The following SLC6A18 variants were observed in gnomAD, a reference collection of about 807,000 sequenced individuals.
The protein encoded by SLC6A18 is solute carrier family 6 member 18.
In SLC6A18, 58 loss-of-function variants were observed where a neutral mutation model predicts 62.9. That is an observed-to-expected ratio of 0.92 (90% CI 0.75 to 1.15). SLC6A18 has a LOEUF of 1.15. SLC6A18 is among the 50% of genes most tolerant of loss of function. The pLI is 0.00. For missense variants in SLC6A18, 793 were observed against 836.6 expected (o/e 0.95, Z 0.64); for synonymous variants, 382 against 365.8 (o/e 1.04, Z -0.51).
chr5:1,235,253 CT>C (rs1658174753), intron 3 of SLC6A18, among the ~76,000 whole-genome samples: 1 of 152,220 alleles, frequency 6.6e-6, no homozygotes, highest in South Asian at 2.1e-4. Flanking sequence ...CTCAGCAGGG[CT>C]CGTAAACCTT....
At chr5:1,231,113 C>T (rs960548248) in intron 1 of SLC6A18, among the ~76,000 whole-genome samples, 1 of 152,348 alleles carries the variant, frequency 6.6e-6, no homozygotes, top group Admixed American at 6.5e-5. Flanking sequence ...TCATGCCCAG[C>T]TCTGCCGCTG....
Position 1,240,642 on chromosome 5 carries a change from C to G in SLC6A18, c.957C>G (p.Tyr319Ter), listed in dbSNP as rs7447815. Residue 319 changes from tyrosine (Y) to a stop codon, truncating the protein, a stop_gained, in exon 7 of 12, where the codon TAC (tyrosine) becomes TAG (stop). Coordinates refer to ENST00000324642, the MANE Select transcript of SLC6A18 (RefSeq NM_182632.3). LOFTEE classifies it high-confidence loss of function. The part of the protein sequence containing the change: ...SVLGFKATND[Y>*]EHCLDRNILS... ...TGGGGTTCAAAGCAACTAATGACTA[C>G]GAGCACTGCCTGGACAGGTGAGCAC... 624,291 of 1,613,604 alleles carry G rather than the reference C, an allele frequency of 0.39. 122,126 individuals are homozygous for G. The highest frequency in any genetic ancestry group is 0.4 in the Non-Finnish European group (470,977 of 1,179,866).
At chr5:1,240,769 C>A (rs1747035713) in intron 7 of SLC6A18, 110 bp downstream of exon 7, 2 of 1,464,892 alleles carry the variant, frequency 1.4e-6, no homozygotes, top group Admixed American at 1.9e-5. Context: ...CATTTCATTT[C>A]TGTAGGGGTG....
chr5:1,235,707 C>A lies in SLC6A18; in HGVS notation c.621+45C>A, dbSNP rs991478540. 2.5e-6 allele frequency: 4 copies of A among 1,591,328 alleles called. No homozygotes were observed. In the African/African-American group the frequency reaches 4.0e-5, roughly 16 times the overall value. ...GATCCCCTCTCTTGCTTCCTCCAGC[C>A]CCCAAGACCCCTCCCCATTGACCTG... On this transcript the variant is annotated intron_variant, in intron 4 of 11. Transcript: ENST00000324642.
chr5:1,233,222 C>T (rs1561176292), intron 3 of SLC6A18, among the ~76,000 whole-genome samples: 1 of 152,174 alleles, frequency 6.6e-6, no homozygotes, highest in Non-Finnish European at 1.5e-5. Flanking sequence ...TCACGCTTGT[C>T]AACCCAGCAC....
rs1057228160 is a variant in SLC6A18 at position 1,225,696 on chromosome 5, T to G, written c.160+59T>G. 2.0e-6 allele frequency: 3 copies of G among 1,489,990 alleles called. No homozygotes were observed. The African/African-American group carries it at 4.3e-5, about 22-fold the overall frequency. 92.3% of individuals were successfully genotyped at this position (1,489,990 alleles called of 1,614,324 possible). A position where few individuals can be genotyped will look rare whatever the true frequency, so the allele number is the denominator to read the frequency against. ...TAAGCAGGGGAGGCCGTCTCCACCC[T>G]GACCTGCCAGGCGCCTGCCACGCAT... On this transcript the variant is annotated intron_variant, in intron 1 of 11. Coordinates refer to ENST00000324642, the MANE Select transcript of SLC6A18 (RefSeq NM_182632.3).
At chr5:1,237,302 G>T (rs896674805) in intron 4 of SLC6A18, among the ~76,000 whole-genome samples, 11 of 151,504 alleles carry the variant, frequency 7.3e-5, no homozygotes, top group African/African-American at 2.7e-4. Flanking sequence ...TGTATTGGGG[G>T]AACTGAGGAG....
rs1747208605 is a variant in SLC6A18 at position 1,245,969 on chromosome 5, G to A, written c.1778G>A (p.Arg593Gln). ...GCCGCGCTTGCTCAGCTGCTCACCC[G>A]GCGGAGGCGGACGTGGAGGGACAGG... Reference protein sequence around the residue: ...PVAALAQLLTRRRRTWRDRDA... With the variant: ...PVAALAQLLTQRRRTWRDRDA... The change falls in exon 12 of 12, where the codon CGG becomes CAG. Residue 593 changes from arginine to glutamine, a missense_variant. Coordinates refer to ENST00000324642, the MANE Select transcript of SLC6A18 (RefSeq NM_182632.3). 1 of 1,600,888 alleles carries A rather than the reference G, an allele frequency of 6.2e-7. No individual in the cohort carries two copies. Among genetic ancestry groups the A allele is most frequent in the Non-Finnish European group, 8.5e-7 (1 of 1,178,856 alleles).
intron 4 of SLC6A18, among the ~76,000 whole-genome samples, chr5:1,237,043 C>T (rs879319748): frequency 1.5e-4 from 23 of 150,902 alleles, no homozygotes; most frequent in Non-Finnish European, 2.7e-4. Context: ...AGACCAGCCT[C>T]GCCAACATAG....
intron 1 of SLC6A18, among the ~76,000 whole-genome samples, chr5:1,229,607 G>A (rs989724797): frequency 2.6e-5 from 4 of 152,246 alleles, no homozygotes; most frequent in Admixed American, 1.3e-4. Context: ...TGCCCACCGC[G>A]ACGTGGTGCC....
At chr5:1,236,097 T>A (rs7445640) in intron 4 of SLC6A18, among the ~76,000 whole-genome samples, 3 of 151,974 alleles carry the variant, frequency 2.0e-5, no homozygotes, top group Non-Finnish European at 4.4e-5. Context: ...TGGGTTTAGC[T>A]CTGTCCTCAG....
Position 1,232,088 on chromosome 5 carries a change from C to G in SLC6A18, c.161-131C>G, listed in dbSNP as rs185970768. On this transcript the variant is annotated intron_variant, in intron 1 of 11. Transcript: ENST00000324642. Reference sequence around the variant, plus strand: ...AACAGTGCCCCAAGGGTGTCTCCACCACCCAAGTGGTGCCCCCAACATTCA... The same window carrying G: ...AACAGTGCCCCAAGGGTGTCTCCACGACCCAAGTGGTGCCCCCAACATTCA... The G allele has an allele frequency of 9.4e-4, 748 of 795,086 alleles. 6 individuals carry two copies. The African/African-American group carries it at 0.011, about 12-fold the overall frequency. 49.3% of individuals were successfully genotyped at this position (795,086 alleles called of 1,614,324 possible).
chr5:1,229,373 C>T (rs564629747), intron 1 of SLC6A18, among the ~76,000 whole-genome samples: 2 of 152,284 alleles, frequency 1.3e-5, no homozygotes, highest in African/African-American at 4.8e-5. Flanking sequence ...TTCAGCTTCC[C>T]CAAATCAGTC....
rs901151017 is a variant in SLC6A18 at position 1,241,542 on chromosome 5, T to C, written c.974+883T>C. Reference sequence around the variant, plus strand: ...TGGGAGCAGGGCAGCACGTCAGCACTGCACCTGATGGCACTTTTCAACGGG... The same window carrying C: ...TGGGAGCAGGGCAGCACGTCAGCACCGCACCTGATGGCACTTTTCAACGGG... On this transcript the variant is annotated intron_variant, in intron 7 of 11. Coordinates refer to ENST00000324642, the MANE Select transcript of SLC6A18 (RefSeq NM_182632.3). This position sits in a 1 kb window ranked among gnomAD's most constrained non-coding sequence, Gnocchi z 7.8. Among the ~76,000 whole-genome samples, 2 of 152,116 alleles carry C rather than the reference T, an allele frequency of 1.3e-5. No homozygotes were observed. The highest frequency in any genetic ancestry group is 6.5e-5 in the Admixed American group (1 of 15,280).
chr5:1,230,731 C>T lies in SLC6A18; in HGVS notation c.161-1488C>T, dbSNP rs1310573024. ...TGATGGGAGATGCCAGGCGCGGAGACGCACGGCGGGGAAGAGTGTGGGCAG... is the reference window on the plus strand; with the variant it reads ...TGATGGGAGATGCCAGGCGCGGAGATGCACGGCGGGGAAGAGTGTGGGCAG... On this transcript the variant is annotated intron_variant, in intron 1 of 11. Coordinates refer to ENST00000324642, the MANE Select transcript of SLC6A18 (RefSeq NM_182632.3). 5.3e-5 allele frequency among the ~76,000 whole-genome samples: 8 copies of T among 152,264 alleles called. No individual in the cohort carries two copies. The East Asian group carries it at 5.8e-4, about 11-fold the overall frequency.
In SLC6A18 at chr5:1,246,135, T is replaced by TGGGCGGGGGC. The variant is rs1747218597; in HGVS notation, c.*65_*66insGCGGGCGGGG. ...TCTGTGGGGGGGCTTGGCCTGATGG[T>TGGGCGGGGGC]GGGCGGGGCCCCGCCCACAGGGCCG... On this transcript the variant is annotated 3_prime_UTR_variant, in exon 12 of 12. Coordinates refer to ENST00000324642, the MANE Select transcript of SLC6A18 (RefSeq NM_182632.3). 3 of 1,324,560 alleles carry TGGGCGGGGGC rather than the reference T, an allele frequency of 2.3e-6. No individual in the cohort carries two copies. Among genetic ancestry groups the TGGGCGGGGGC allele is most frequent in the Admixed American group, 2.5e-5 (1 of 40,454 alleles). 82.1% of individuals were successfully genotyped at this position (1,324,560 alleles called of 1,614,324 possible). A position where few individuals can be genotyped will look rare whatever the true frequency, so the allele number is the denominator to read the frequency against.
Position 1,244,603 on chromosome 5 carries a change from T to C in SLC6A18, c.1497-5T>C, listed in dbSNP as rs899666970. 8.2e-6 allele frequency: 13 copies of C among 1,590,198 alleles called. No individual in the cohort carries two copies. The African/African-American group carries it at 1.6e-4, about 20-fold the overall frequency. On this transcript the variant is annotated splice_polypyrimidine_tract_variant and splice_region_variant and intron_variant, in intron 10 of 11. Coordinates refer to ENST00000324642, the MANE Select transcript of SLC6A18 (RefSeq NM_182632.3). ...TGTGAAGCCTGAGCCCAGCATCTGG[T>C]GCAGGTTCTGCGATGACATTGCGTG...
At chr5:1,226,886 C>T (rs1316148716) in intron 1 of SLC6A18, among the ~76,000 whole-genome samples, 4 of 152,214 alleles carry the variant, frequency 2.6e-5, no homozygotes, top group African/African-American at 7.2e-5. Flanking sequence ...TGCCGGCCAA[C>T]GCTTTACCCA....
chr5:1,230,798 A>G (rs1746712451), intron 1 of SLC6A18, among the ~76,000 whole-genome samples: 1 of 152,138 alleles, frequency 6.6e-6, no homozygotes, highest in African/African-American at 2.4e-5. Flanking sequence ...AGAAGGCCTG[A>G]GGTCAGTGCC....
Sources: gnomAD v4.1 joint callset for allele counts (sites outside exome capture counted in the v4.1 genomes callset) on GRCh38, gnomAD v4.1.1 for gene constraint, Gnocchi (gnomAD v3.1) non-coding constraint, MANE v1.5 for transcripts, NCBI Gene and HGNC (gene_info 2026-07-23, HGNC 2026-07-21) for gene names.